The following ZNF90 variants were observed in gnomAD, a reference collection of about 807,000 sequenced individuals.
ZNF90 encodes the protein zinc finger protein HTF9.
In ZNF90, 11 loss-of-function variants were observed where a neutral mutation model predicts 12.0. The ratio of observed to expected loss-of-function variants is 0.92; its 90% CI spans 0.58 to 1.52. The LOEUF is 1.52. ZNF90 is among the 40% of genes most tolerant of loss of function. ZNF90 has a pLI of 0.00. For synonymous variants in ZNF90, 232 were observed against 240.1 expected (o/e 0.97, Z 0.31); for missense variants, 765 against 711.5 (o/e 1.08, Z -0.86).
intron 1 of ZNF90, among the ~76,000 whole-genome samples, chr19:20,098,028 T>G (rs2088962079): frequency 6.6e-6 from 1 of 151,686 alleles, no homozygotes; most frequent in African/African-American, 2.4e-5. Context: ...TTCAGGCAAC[T>G]TGAATATTTG....
At chr19:20,094,123 C>A (rs2088924042) in intron 1 of ZNF90, among the ~76,000 whole-genome samples, 1 of 152,234 alleles carries the variant, frequency 6.6e-6, no homozygotes, top group Non-Finnish European at 1.5e-5. Flanking sequence ...GAATGCTTGA[C>A]TGCTGTGGCT....
Position 20,078,981 on chromosome 19 carries a change from T to A in ZNF90, c.3+846T>A, listed in dbSNP as rs147857061. 2.5e-3 allele frequency among the ~76,000 whole-genome samples: 374 copies of A among 151,622 alleles called. 1 individual carries two copies. The highest frequency in any genetic ancestry group is 4.3e-3 in the Non-Finnish European group (293 of 67,846). Reference sequence around the variant, plus strand: ...TAAAAATACAAAAATTAGCCTGGAGTGGTGCCAAGCGCCTGTAATCCCAGC... The same window carrying A: ...TAAAAATACAAAAATTAGCCTGGAGAGGTGCCAAGCGCCTGTAATCCCAGC... On this transcript the variant is annotated intron_variant, in intron 1 of 3. Coordinates refer to ENST00000418063, the MANE Select transcript of ZNF90 (RefSeq NM_007138.2).
chr19:20,117,394 T>TCC (rs2089148109), intron 3 of ZNF90, among the ~76,000 whole-genome samples: 1 of 150,734 alleles, frequency 6.6e-6, no homozygotes, highest in South Asian at 2.1e-4. Context: ...TTTCTTTTCT[T>TCC]TTCTCCTTCC....
chr19:20,093,865 G>GCAATGTCA (rs1291640639), intron 1 of ZNF90, among the ~76,000 whole-genome samples: 2 of 147,148 alleles, frequency 1.4e-5, no homozygotes, highest in Non-Finnish European at 3.1e-5. Context: ...CTTCCGAGGC[G>GCAATGTCA]ATCGGGCAAT....
chr19:20,115,274 T>C (rs948628641), intron 3 of ZNF90, among the ~76,000 whole-genome samples: 2 of 152,106 alleles, frequency 1.3e-5, no homozygotes, highest in African/African-American at 4.8e-5. Flanking sequence ...ATAAACTTTT[T>C]TATTGAAAGA....
At chr19:20,092,534 T>G (rs2088910763) in intron 1 of ZNF90, among the ~76,000 whole-genome samples, 1 of 151,258 alleles carries the variant, frequency 6.6e-6, no homozygotes, top group South Asian at 2.1e-4. Flanking sequence ...GAAAGAGGAG[T>G]GGGGAAAGGA....
At chr19:20,101,059 G>T (rs148136556) in intron 1 of ZNF90, among the ~76,000 whole-genome samples, 3 of 152,050 alleles carry the variant, frequency 2.0e-5, no homozygotes, top group Non-Finnish European at 2.9e-5. Context: ...TACGGCTCCA[G>T]CTGAGCTTTC....
intron 1 of ZNF90, among the ~76,000 whole-genome samples, chr19:20,103,732 CAA>C (rs1417681780): frequency 6.6e-6 from 1 of 151,764 alleles, no homozygotes; most frequent in African/African-American, 2.4e-5. Flanking sequence ...GGATGTTTGA[CAA>C]AATATCCTTC....
At chr19:20,105,624 G>C (rs2089029779) in intron 3 of ZNF90, among the ~76,000 whole-genome samples, 1 of 152,014 alleles carries the variant, frequency 6.6e-6, no homozygotes, top group Non-Finnish European at 1.5e-5. Context: ...ATCGTCTTGG[G>C]GACACAGAAA....
At position 20,091,848 on chromosome 19, in the gene ZNF90, G is replaced by A. The variant is rs554208202; in HGVS notation, c.4-12391G>A. On this transcript the variant is annotated intron_variant, in intron 1 of 3. Transcript: ENST00000418063. ...ATGCGTAGTCCTTTTGCAAGAGTGA[G>A]GGCTTGAGTTAAGGTAACTAGTTCG... 2.3e-4 allele frequency among the ~76,000 whole-genome samples: 35 copies of A among 152,322 alleles called. 2 individuals carry two copies. In the South Asian group the frequency reaches 7.2e-3, roughly 32 times the overall value.
chr19:20,117,518 ATC>A (rs1403256365), intron 3 of ZNF90: 1 of 907,304 alleles, frequency 1.1e-6, no homozygotes, highest in African/African-American at 1.8e-5. Flanking sequence ...GGTCACCGCA[ATC>A]TCCGCCTCCC....
intron 1 of ZNF90, among the ~76,000 whole-genome samples, chr19:20,092,534 T>C (rs2088910763): frequency 6.6e-6 from 1 of 151,258 alleles, no homozygotes; most frequent in African/African-American, 2.4e-5. Flanking sequence ...GAAAGAGGAG[T>C]GGGGAAAGGA....
intron 3 of ZNF90, among the ~76,000 whole-genome samples, chr19:20,111,755 T>G (rs1555705143): frequency 6.6e-6 from 1 of 152,190 alleles, no homozygotes; most frequent in East Asian, 1.9e-4. Flanking sequence ...AACTATATTT[T>G]AATCTTATAA....
At position 20,078,078 on chromosome 19, in the gene ZNF90, T is replaced by C. The variant is rs2088790790; in HGVS notation, c.-55T>C. On this transcript the variant is annotated 5_prime_UTR_variant, in exon 1 of 4. Coordinates refer to ENST00000418063, the MANE Select transcript of ZNF90 (RefSeq NM_007138.2). The stretch of plus-strand genomic sequence containing the variant: ...TCTTCTTCTCCAGCCTCTGTGGCCC[T>C]GTGACCTGCAGGTATTGGGAGATCC... 1 of 1,613,310 alleles carries C rather than the reference T, an allele frequency of 6.2e-7. No homozygotes were observed. The highest frequency in any genetic ancestry group is 1.7e-5 in the Admixed American group (1 of 60,000).
intron 1 of ZNF90, among the ~76,000 whole-genome samples, chr19:20,092,569 G>A (rs983613408): frequency 7.2e-5 from 11 of 152,152 alleles, no homozygotes; most frequent in Admixed American, 2.0e-4. Flanking sequence ...GGTCAGCTAG[G>A]TTTCCTTTTG....
At chr19:20,106,858 C>A (rs782627299) in intron 3 of ZNF90, 37 of 454,224 alleles carry the variant, frequency 8.1e-5, no homozygotes, top group African/African-American at 6.8e-4. Flanking sequence ...AGCTTGGTCA[C>A]AAGGCTGCTG....
chr19:20,086,046 GGTAATTATCCAATATT>G (rs2088856648), intron 1 of ZNF90, among the ~76,000 whole-genome samples: 4 of 151,990 alleles, frequency 2.6e-5, no homozygotes, highest in Admixed American at 2.0e-4. Flanking sequence ...GATGATCCAA[GGTAATTATCCAATATT>G]TGCAGGCTGA....
rs148588098 is a variant in ZNF90 at position 20,094,520 on chromosome 19, A to T, written c.4-9719A>T. Among the ~76,000 whole-genome samples the T allele has an allele frequency of 3.8e-4, 58 of 152,244 alleles. 1 individual carries two copies. Among genetic ancestry groups the T allele is most frequent in the African/African-American group, 1.2e-3 (48 of 41,548 alleles). ...AACAGCTTTGTAAGCTGCTTTTTTAAGCCCTTCAACTAGGCAGGAAACCAT... is the reference window on the plus strand; with the variant it reads ...AACAGCTTTGTAAGCTGCTTTTTTATGCCCTTCAACTAGGCAGGAAACCAT... On this transcript the variant is annotated intron_variant, in intron 1 of 3. Transcript: ENST00000418063.
At position 20,106,431 on chromosome 19, in the gene ZNF90, T is replaced by C. The variant is rs965689283; in HGVS notation, c.226+1115T>C. 2.0e-5 allele frequency among the ~76,000 whole-genome samples: 3 copies of C among 152,340 alleles called. No homozygotes were observed. In the South Asian group the frequency reaches 6.2e-4, roughly 32 times the overall value. ...CACAATATAGTTTTGCATTGCTGTC[T>C]GAATTTGATGAAGCAAATACCTCTT... On this transcript the variant is annotated intron_variant, in intron 3 of 3. Transcript: ENST00000418063.
Sources: allele counts gnomAD v4.1 joint callset (sites outside exome capture counted in the v4.1 genomes callset), GRCh38; gene constraint gnomAD v4.1.1; transcripts MANE v1.5; gene names NCBI Gene and HGNC (gene_info 2026-07-23, HGNC 2026-07-21).